Variants in SEMA5A observed in about 807,000 individuals in gnomAD.
SEMA5A encodes the protein semaphorin 5A.
Under a neutral mutation model 135.5 loss-of-function variants are expected in SEMA5A, and 55 were observed. That is an observed-to-expected ratio of 0.41 (90% CI 0.33 to 0.51). The LOEUF (loss-of-function observed/expected upper bound fraction) is 0.51, where lower values mean the gene tolerates loss of function less well. Among genes scored for constraint, SEMA5A ranks in the 20% least tolerant of loss-of-function variants. SEMA5A has a pLI of 0.37. For synonymous variants in SEMA5A, 580 were observed against 546.5 expected (o/e 1.06, Z -0.85); for missense variants, 1,290 against 1,419.9 (o/e 0.91, Z 1.47).
chr5:9,235,866 T>C (rs554650853), intron 6 of SEMA5A, among the ~76,000 whole-genome samples: 138 of 152,300 alleles, frequency 9.1e-4, no homozygotes, highest in African/African-American at 3.2e-3. Context: ...GTTCTCACAC[T>C]GCTAATACCT....
At chr5:9,232,973 C>G (rs1747716347) in intron 6 of SEMA5A, among the ~76,000 whole-genome samples, 1 of 152,148 alleles carries the variant, frequency 6.6e-6, no homozygotes, top group Admixed American at 6.5e-5. Flanking sequence ...TTCTCCTGTT[C>G]ACTAGGAGTT....
chr5:9,387,829 C>A (rs1755964280), intron 2 of SEMA5A, among the ~76,000 whole-genome samples: 1 of 152,202 alleles, frequency 6.6e-6, no homozygotes, highest in African/African-American at 2.4e-5. Flanking sequence ...TTAAAGGTTT[C>A]TTCTTATTAC....
intron 18 of SEMA5A, among the ~76,000 whole-genome samples, chr5:9,059,409 G>A (rs1737063628): frequency 6.6e-6 from 1 of 152,068 alleles, no homozygotes; most frequent in Admixed American, 6.5e-5. Flanking sequence ...CTAGTTAGAT[G>A]GACCCACAGA....
intron 3 of SEMA5A, among the ~76,000 whole-genome samples, chr5:9,377,507 T>C (rs1755412778): frequency 6.6e-6 from 1 of 151,606 alleles, no homozygotes; most frequent in African/African-American, 2.4e-5. Context: ...CTAATTTCAC[T>C]AAAATTTTCC....
chr5:9,208,823 T>C (rs1473993548), intron 8 of SEMA5A, among the ~76,000 whole-genome samples: 1 of 152,122 alleles, frequency 6.6e-6, no homozygotes, highest in Non-Finnish European at 1.5e-5. Flanking sequence ...TTCCTGGGTG[T>C]GTGGTGTGGG....
At chr5:9,108,389 A>G (rs926955872) in intron 15 of SEMA5A, 102 bp from the exon 16 acceptor site, 1 of 1,374,614 alleles carries the variant, frequency 7.3e-7, no homozygotes, top group African/African-American at 1.4e-5. Context: ...ACACATGGGC[A>G]TGCTCTGCGT....
intron 1 of SEMA5A, among the ~76,000 whole-genome samples, chr5:9,502,571 A>C (rs1735650951): frequency 6.6e-6 from 1 of 152,154 alleles, no homozygotes; most frequent in South Asian, 2.1e-4. Context: ...GAGCTTACAG[A>C]GTTGCATGGG....
At chr5:9,390,346 G>T (rs369777951) in intron 2 of SEMA5A, among the ~76,000 whole-genome samples, 38 of 152,300 alleles carry the variant, frequency 2.5e-4, no homozygotes, top group African/African-American at 8.9e-4. Context: ...GGTCAGATAA[G>T]TTATTCCAGC....
chr5:9,165,574 C>T (rs1227246142), intron 11 of SEMA5A, among the ~76,000 whole-genome samples: 2 of 152,176 alleles, frequency 1.3e-5, no homozygotes, highest in Non-Finnish European at 2.9e-5. Context: ...GGCCACTAAC[C>T]TGGGAAGCTA....
At chr5:9,544,068 T>A (rs1234615539) in intron 1 of SEMA5A, among the ~76,000 whole-genome samples, 1 of 152,208 alleles carries the variant, frequency 6.6e-6, no homozygotes, top group African/African-American at 2.4e-5. Context: ...TAATTAGGTA[T>A]TGAAAAATCT....
At chr5:9,148,690 C>T (rs921601835) in intron 12 of SEMA5A, among the ~76,000 whole-genome samples, 1 of 152,070 alleles carries the variant, frequency 6.6e-6, no homozygotes, top group Non-Finnish European at 1.5e-5. Context: ...CCTTAGTCCT[C>T]CTGCTGCACT....
At chr5:9,112,559 C>T (rs1236552057) in intron 15 of SEMA5A, among the ~76,000 whole-genome samples, 1 of 152,148 alleles carries the variant, frequency 6.6e-6, no homozygotes, top group Non-Finnish European at 1.5e-5. Context: ...TTAATTCAAG[C>T]CATTTAGGAA....
chr5:9,153,723 AT>A (rs1472959843), intron 12 of SEMA5A, among the ~76,000 whole-genome samples: 3 of 151,976 alleles, frequency 2.0e-5, no homozygotes, highest in Non-Finnish European at 4.4e-5. Flanking sequence ...ACCTTATAAT[AT>A]TTTTTGTTAT....
intron 12 of SEMA5A, among the ~76,000 whole-genome samples, chr5:9,141,048 G>A (rs1742041444): frequency 6.6e-6 from 1 of 152,122 alleles, no homozygotes; most frequent in Admixed American, 6.5e-5. Flanking sequence ...CCTTTAAAAT[G>A]TTAAAATGTC....
intron 5 of SEMA5A, among the ~76,000 whole-genome samples, chr5:9,253,647 G>A (rs1458150699): frequency 6.6e-6 from 1 of 152,062 alleles, no homozygotes; most frequent in Admixed American, 6.6e-5. Context: ...CTATCCAGGT[G>A]ATTTAACAAA....
chr5:9,173,836 A>G (rs909494753), intron 11 of SEMA5A, among the ~76,000 whole-genome samples: 27 of 152,198 alleles, frequency 1.8e-4, no homozygotes, highest in African/African-American at 6.0e-4. Flanking sequence ...AGGATCGTGT[A>G]GGAACAGCAT....
rs1735823517 is a variant in SEMA5A, at chr5:9,039,193, TGGCAGAGTCCAAG to T, written c.*3691_*3703del. 1 of 152,302 alleles carries T rather than the reference TGGCAGAGTCCAAG, an allele frequency of 6.6e-6. No individual in the cohort carries two copies. Among genetic ancestry groups the T allele is most frequent in the Non-Finnish European group, 1.5e-5 (1 of 68,100 alleles). 9.4% of individuals were successfully genotyped at this position (152,302 alleles called of 1,614,324 possible). A position where few individuals can be genotyped will look rare whatever the true frequency, so the allele number is the denominator to read the frequency against. On this transcript the variant is annotated 3_prime_UTR_variant, in exon 23 of 23. Coordinates refer to ENST00000382496, the MANE Select transcript of SEMA5A (RefSeq NM_003966.3). Reference sequence around the variant, plus strand: ...CTCTGGCACTCTGGGCAGTTGATCCTGGCAGAGTCCAAGGGTCAGACCCATGGACCTGTGAAGT... The same window carrying T: ...CTCTGGCACTCTGGGCAGTTGATCCTGGTCAGACCCATGGACCTGTGAAGT...
At chr5:9,155,256 A>G (rs1447471242) in intron 11 of SEMA5A, among the ~76,000 whole-genome samples, 1 of 151,840 alleles carries the variant, frequency 6.6e-6, no homozygotes, top group African/African-American at 2.4e-5. Flanking sequence ...CTTTGGGATG[A>G]TTTTCTTGGG....
chr5:9,228,170 G>T (rs893228904), intron 6 of SEMA5A, among the ~76,000 whole-genome samples: 1 of 152,170 alleles, frequency 6.6e-6, no homozygotes, highest in African/African-American at 2.4e-5. Flanking sequence ...TCCATGCACT[G>T]TAATGAGGAC....
Sources: allele counts gnomAD v4.1 joint callset (sites outside exome capture counted in the v4.1 genomes callset), GRCh38; gene constraint gnomAD v4.1.1; transcripts MANE v1.5; gene names NCBI Gene and HGNC (gene_info 2026-07-23, HGNC 2026-07-21).